The following OTOGL variants were observed in gnomAD, a reference collection of about 807,000 sequenced individuals.
The protein encoded by OTOGL is otogelin like.
Under a neutral mutation model 318.5 loss-of-function variants are expected in OTOGL, and 285 were observed. The observed-to-expected ratio is 0.89, with a 90% CI of 0.81 to 0.99. The LOEUF is 0.99. Ranked by LOEUF, OTOGL falls within the 50% of genes least tolerant of loss-of-function variation. The probability of loss-of-function intolerance (pLI) is 0.00; values close to 1 mark genes in which losing one functional copy is unlikely to be tolerated. For missense variants in OTOGL, 2,899 were observed against 2,845.6 expected, an observed-to-expected ratio of 1.02 and a Z score of -0.43; for synonymous variants, 987 against 936.5, an observed-to-expected ratio of 1.05 and a Z score of -0.99.
chr12:80,339,100 C>T lies in OTOGL; in HGVS notation c.4886C>T (p.Pro1629Leu), dbSNP rs1565996163. The part of the protein sequence containing the change: ...RKVEVDSIVV[P>L]LPFSSQELSI... ...GTAGAAGTGGATTCCATTGTTGTGC[C>T]TTTGCCCTTTTCAAGTCAGGAACTG... Residue 1629 changes from proline to leucine, a missense_variant, in exon 43 of 59, where the codon CCT becomes CTT. This residue lies in a region of OTOGL where 2,607 missense variants were observed against 2,524.9 expected (regional missense o/e 1.03). Coordinates refer to ENST00000547103, the MANE Select transcript of OTOGL (RefSeq NM_001378609.3). The T allele has an allele frequency of 2.5e-6, 4 of 1,609,370 alleles. No individual in the cohort carries two copies. In the Middle Eastern group the frequency reaches 5.0e-4, roughly 199 times the overall value.
intron 57 of OTOGL, 117 bp downstream of exon 57, chr12:80,372,181 A>C: frequency 1.6e-6 from 1 of 621,730 alleles, no homozygotes; most frequent in Non-Finnish European, 2.4e-6. Flanking sequence ...AACAAATTTT[A>C]TAAAATATTT....
intron 29 of OTOGL, 97 bp downstream of exon 29, chr12:80,305,792 A>G (rs1423761702): frequency 4.9e-6 from 5 of 1,015,248 alleles, no homozygotes; most frequent in Admixed American, 3.7e-5. Context: ...ATTATTTTAC[A>G]TACTATTTTC....
chr12:80,123,966 A>G (rs1870647269), intron 1 of OTOGL, among the ~76,000 whole-genome samples: 1 of 152,016 alleles, frequency 6.6e-6, no homozygotes, highest in Non-Finnish European at 1.5e-5. Context: ...AGATTGCAAA[A>G]ATTTTCTCCC....
intron 1 of OTOGL, among the ~76,000 whole-genome samples, chr12:80,135,277 C>CCCCTTCCCTTCCCTT (rs767346954): frequency 8.6e-5 from 6 of 69,916 alleles, no homozygotes; most frequent in African/African-American, 2.4e-4. Flanking sequence ...CCCCTCCCCT[C>CCCCTTCCCTTCCCTT]CCCTTCCCTT....
intron 1 of OTOGL, among the ~76,000 whole-genome samples, chr12:80,129,325 A>T (rs1025556951): frequency 5.3e-5 from 8 of 152,208 alleles, no homozygotes; most frequent in African/African-American, 1.9e-4. Context: ...GAGAGTAGAA[A>T]GGTGTGAATA....
chr12:80,207,740 C>G (rs1280351939), intron 1 of OTOGL, among the ~76,000 whole-genome samples: 5 of 152,092 alleles, frequency 3.3e-5, no homozygotes, highest in Admixed American at 3.3e-4. Context: ...AACTAATTCC[C>G]TTAATTAAAA....
chr12:80,366,650 T>C lies in OTOGL; in HGVS notation c.6331+13T>C. Reference sequence around the variant, plus strand: ...CAGTATCTCTGTGGTAACTATGTCTTTTGTAACTTTTAAATTATAAATGAA... The same window carrying C: ...CAGTATCTCTGTGGTAACTATGTCTCTTGTAACTTTTAAATTATAAATGAA... On this transcript the variant is annotated intron_variant, in intron 53 of 58. Transcript: ENST00000547103. The C allele has an allele frequency of 7.9e-7, 1 of 1,269,716 alleles. No individual in the cohort carries two copies. Among genetic ancestry groups the C allele is most frequent in the South Asian group, 2.0e-5 (1 of 51,206 alleles). The allele number at this position is 1,269,716 out of a possible 1,614,324, so 78.7% of individuals were successfully genotyped here.
chr12:80,196,020 A>T (rs1876041143), intron 1 of OTOGL, among the ~76,000 whole-genome samples: 1 of 152,192 alleles, frequency 6.6e-6, no homozygotes, highest in Non-Finnish European at 1.5e-5. Context: ...GGTATGCAAA[A>T]AATCATCCTT....
intron 49 of OTOGL, among the ~76,000 whole-genome samples, chr12:80,357,300 G>T (rs1005105961): frequency 3.3e-5 from 5 of 152,108 alleles, no homozygotes; most frequent in Admixed American, 3.3e-4. Flanking sequence ...CATGTTTGAG[G>T]TATGATGATC....
At chr12:80,325,764 C>T (rs973179507) in intron 35 of OTOGL, among the ~76,000 whole-genome samples, 26 of 152,090 alleles carry the variant, frequency 1.7e-4, no homozygotes, top group African/African-American at 5.8e-4. Context: ...CTAAGCAATG[C>T]GAAGGGCATG....
intron 1 of OTOGL, among the ~76,000 whole-genome samples, chr12:80,148,680 T>C (rs1872568507): frequency 1.3e-5 from 2 of 152,210 alleles, no homozygotes; most frequent in South Asian, 4.1e-4. Flanking sequence ...CCTCGTCACT[T>C]TCAGGTACAC....
chr12:80,119,552 T>C (rs747779997), intron 1 of OTOGL, among the ~76,000 whole-genome samples: 1 of 152,238 alleles, frequency 6.6e-6, no homozygotes, highest in Non-Finnish European at 1.5e-5. Flanking sequence ...CCTCTGCTTA[T>C]AAACCTTTGT....
At chr12:80,353,103 A>G (rs1472899798) in intron 45 of OTOGL, among the ~76,000 whole-genome samples, 1 of 152,334 alleles carries the variant, frequency 6.6e-6, no homozygotes, top group East Asian at 1.9e-4. Context: ...TAATCCTAGC[A>G]GACCCTTAGA....
chr12:80,319,670 T>G (rs1887199925), intron 33 of OTOGL, among the ~76,000 whole-genome samples: 1 of 152,192 alleles, frequency 6.6e-6, no homozygotes, highest in African/African-American at 2.4e-5. Flanking sequence ...TTACGATTAG[T>G]AATAACTAAT....
intron 1 of OTOGL, among the ~76,000 whole-genome samples, chr12:80,114,702 G>A (rs906503485): frequency 2.0e-5 from 3 of 152,058 alleles, no homozygotes; most frequent in African/African-American, 7.2e-5. Flanking sequence ...ATATCCTGAA[G>A]TGTGTTTTTT....
At chr12:80,353,256 T>G in intron 45 of OTOGL, 69 bp from the exon 46 acceptor site, 1 of 1,172,252 alleles carries the variant, frequency 8.5e-7, no homozygotes, top group Non-Finnish European at 1.1e-6. Context: ...ATCTGACATT[T>G]CTTTCTTTTA....
chr12:80,227,778 T>G (rs983215476), intron 7 of OTOGL, among the ~76,000 whole-genome samples: 1 of 152,114 alleles, frequency 6.6e-6, no homozygotes, highest in African/African-American at 2.4e-5. Flanking sequence ...ATTCCAGATA[T>G]CCCATATGGC....
chr12:80,129,069 C>G (rs1431386117), intron 1 of OTOGL, among the ~76,000 whole-genome samples: 6 of 152,176 alleles, frequency 3.9e-5, no homozygotes, highest in Non-Finnish European at 7.3e-5. Context: ...TCTGACAATC[C>G]CCAGTGAGAT....
intron 1 of OTOGL, among the ~76,000 whole-genome samples, chr12:80,117,025 C>T (rs529268355): frequency 2.2e-4 from 33 of 152,254 alleles, no homozygotes; most frequent in Middle Eastern, 3.4e-3. Flanking sequence ...CAAGGTGATC[C>T]ATTGGCATGA....
Sources: gnomAD v4.1 joint callset for allele counts (sites outside exome capture counted in the v4.1 genomes callset) on GRCh38, gnomAD v4.1.1 for gene constraint, gnomAD v4.1.1 regional missense constraint, MANE v1.5 for transcripts, NCBI Gene and HGNC (gene_info 2026-07-23, HGNC 2026-07-21) for gene names.